Variants in KDM4C observed in about 807,000 individuals in gnomAD.
KDM4C encodes the protein lysine-specific demethylase 4C.
Under a neutral mutation model 129.3 loss-of-function variants are expected in KDM4C, and 81 were observed. That is an observed-to-expected ratio of 0.63 (90% confidence interval 0.52 to 0.75). The LOEUF (loss-of-function observed/expected upper bound fraction) is 0.75. Ranked by LOEUF, KDM4C falls within the 30% of genes least tolerant of loss-of-function variation. The pLI is 0.00. For missense variants in KDM4C, 1,457 were observed against 1,304.0 expected, an observed-to-expected ratio of 1.12 and a Z score of -1.81; for synonymous variants, 573 against 456.1, an observed-to-expected ratio of 1.26 and a Z score of -3.26.
chr9:6,762,768 C>G (rs1031302953), intron 1 of KDM4C, among the ~76,000 whole-genome samples: 4 of 151,364 alleles, frequency 2.6e-5, no homozygotes, highest in Non-Finnish European at 5.9e-5. Flanking sequence ...AAGCGATTCT[C>G]CTGCCTTAGC....
At chr9:6,992,558 A>T (rs1221957165) in intron 12 of KDM4C, among the ~76,000 whole-genome samples, 1 of 152,192 alleles carries the variant, frequency 6.6e-6, no homozygotes, top group African/African-American at 2.4e-5. Flanking sequence ...GGCAACAGAG[A>T]ATATTCTGTT....
intron 4 of KDM4C, among the ~76,000 whole-genome samples, chr9:6,840,289 T>A (rs577520826): frequency 6.6e-6 from 1 of 152,088 alleles, no homozygotes; most frequent in Non-Finnish European, 1.5e-5. Flanking sequence ...TCCTGGCTAG[T>A]CTTGAACTCC....
At chr9:6,820,448 C>T (rs1210319853) in intron 4 of KDM4C, among the ~76,000 whole-genome samples, 1 of 152,160 alleles carries the variant, frequency 6.6e-6, no homozygotes, top group East Asian at 1.9e-4. Flanking sequence ...TGAGACAGGG[C>T]TGTGGTCCTG....
At chr9:7,109,801 C>G (rs1026395339) in intron 18 of KDM4C, among the ~76,000 whole-genome samples, 1 of 152,162 alleles carries the variant, frequency 6.6e-6, no homozygotes, top group Admixed American at 6.5e-5. Context: ...TAATTTTAAA[C>G]CACTTTTAAA....
Position 6,862,070 on chromosome 9 carries a change from C to G in KDM4C, c.629+12370C>G, listed in dbSNP as rs528805807. On this transcript the variant is annotated intron_variant, in intron 5 of 21. Coordinates refer to ENST00000381309, the MANE Select transcript of KDM4C (RefSeq NM_015061.6). ...TACAGGTGTGAGCCAACGCGCCTGA[C>G]CTACAATATGTATTTCTGAGAGGAC... 1.4e-4 allele frequency among the ~76,000 whole-genome samples: 22 copies of G among 152,230 alleles called. No homozygotes were observed. In the East Asian group the frequency reaches 4.2e-3, roughly 29 times the overall value.
intron 15 of KDM4C, 90 bp downstream of exon 15, chr9:7,016,019 C>T: frequency 1.1e-6 from 1 of 883,610 alleles, no homozygotes; most frequent in South Asian, 1.6e-5. Context: ...TAAGATTGCT[C>T]AGGTGCTTAT....
chr9:6,813,064 A>G (rs966886044), intron 3 of KDM4C, among the ~76,000 whole-genome samples: 2 of 152,100 alleles, frequency 1.3e-5, no homozygotes, highest in East Asian at 1.9e-4. Context: ...AATCCCAGCT[A>G]CTGGGGAGGC....
At chr9:6,742,817 T>G (rs1432943170) in intron 1 of KDM4C, among the ~76,000 whole-genome samples, 1 of 151,996 alleles carries the variant, frequency 6.6e-6, no homozygotes, top group African/African-American at 2.4e-5. Flanking sequence ...TTGGGGAGTT[T>G]GACGCAGAAA....
Position 7,165,241 on chromosome 9 carries a change from C to G in KDM4C, c.2785C>G (p.Arg929Gly). The G allele has an allele frequency of 6.2e-7, 1 of 1,613,900 alleles. No homozygotes were observed. The highest frequency in any genetic ancestry group is 8.5e-7 in the Non-Finnish European group (1 of 1,179,938). Residue 929 changes from arginine (R) to glycine (G), a missense_variant, in exon 20 of 22, where the codon CGA (arginine) becomes GGA (glycine). Physicochemically the swap from Arg to Gly is moderately radical, Grantham distance 125 (BLOSUM62 -2). Coordinates refer to ENST00000381309, the MANE Select transcript of KDM4C (RefSeq NM_015061.6). ...CCTGTCTCTGTTTATTCTGCAGAGC[C>G]GAGACTGTCTGAAGCTGGGCCCACC... ...RDTFPEDIVSRDCLKLGPPAE... is the reference protein window; with the variant it reads ...RDTFPEDIVSGDCLKLGPPAE...
At chr9:6,937,723 A>G (rs769314625) in intron 8 of KDM4C, among the ~76,000 whole-genome samples, 2 of 151,752 alleles carry the variant, frequency 1.3e-5, no homozygotes, top group East Asian at 3.9e-4. Context: ...ATTTAATTTA[A>G]TTTTTTCAGA....
intron 15 of KDM4C, among the ~76,000 whole-genome samples, chr9:7,044,634 G>A (rs543325293): frequency 6.6e-5 from 10 of 152,022 alleles, no homozygotes; most frequent in South Asian, 2.1e-4. Context: ...GAAAACAGTC[G>A]GGGAGTACAG....
At chr9:7,107,293 A>G (rs1269597298) in intron 18 of KDM4C, among the ~76,000 whole-genome samples, 1 of 152,272 alleles carries the variant, frequency 6.6e-6, no homozygotes, top group East Asian at 1.9e-4. Flanking sequence ...AGACAACACA[A>G]TAAATAGTAG....
intron 14 of KDM4C, 27 bp downstream of exon 14, chr9:7,014,028 A>G (rs766582887): frequency 6.3e-7 from 1 of 1,576,988 alleles, no homozygotes; most frequent in Middle Eastern, 1.7e-4. Flanking sequence ...TTCATCAATC[A>G]CTGGCTTTTC....
At chr9:6,958,687 A>ATTTTTTTT (rs377187050) in intron 8 of KDM4C, among the ~76,000 whole-genome samples, 2 of 136,354 alleles carry the variant, frequency 1.5e-5, no homozygotes, top group African/African-American at 5.8e-5. Flanking sequence ...TCTTTATATG[A>ATTTTTTTT]TTTTTTTTTT....
chr9:6,760,568 T>C (rs1819245764), intron 1 of KDM4C, among the ~76,000 whole-genome samples: 1 of 150,344 alleles, frequency 6.7e-6, no homozygotes, highest in African/African-American at 2.4e-5. Context: ...ATTTATTTAT[T>C]TATTTATTTA....
chr9:6,924,463 T>C (rs1822111391), intron 8 of KDM4C, among the ~76,000 whole-genome samples: 1 of 152,204 alleles, frequency 6.6e-6, no homozygotes, highest in African/African-American at 2.4e-5. Flanking sequence ...TCTGTTGGAC[T>C]TGCCTCACAC....
At chr9:7,048,139 A>G (rs1829671351) in intron 16 of KDM4C, among the ~76,000 whole-genome samples, 2 of 152,098 alleles carry the variant, frequency 1.3e-5, no homozygotes, top group African/African-American at 2.4e-5. Context: ...ACTGGATGCC[A>G]TACTGTGAGA....
intron 8 of KDM4C, among the ~76,000 whole-genome samples, chr9:6,940,019 T>TTCCTTCCG (rs1825618440): frequency 7.5e-6 from 1 of 134,146 alleles, no homozygotes; most frequent in African/African-American, 2.9e-5. Flanking sequence ...CCTTCCTTCC[T>TTCCTTCCG]TCCTTCCTTC....
chr9:6,987,294 T>C lies in KDM4C; in HGVS notation c.1677+628T>C, dbSNP rs997435049. Among the ~76,000 whole-genome samples, 8 of 152,200 alleles carry C rather than the reference T, an allele frequency of 5.3e-5. 1 individual carries two copies. The highest frequency in any genetic ancestry group is 1.9e-4 in the African/African-American group (8 of 41,440). ...CTGCCCCCTCCTCGAAAGAGGCCCT[T>C]TGCCTCTGAGAAAAGACTCCTCTAT... On this transcript the variant is annotated intron_variant, in intron 11 of 21. Transcript: ENST00000381309.
Sources: allele counts gnomAD v4.1 joint callset (sites outside exome capture counted in the v4.1 genomes callset), GRCh38; gene constraint gnomAD v4.1.1; transcripts MANE v1.5; gene names NCBI Gene and HGNC (gene_info 2026-07-23, HGNC 2026-07-21).